Variants in ICA1 observed in about 807,000 individuals in gnomAD.
The protein encoded by ICA1 is islet cell autoantigen 1, also known as 69 kDa islet cell autoantigen.
Under a neutral mutation model 71.0 loss-of-function variants are expected in ICA1, and 40 were observed. That is an observed-to-expected ratio of 0.56 (90% CI 0.44 to 0.73). ICA1 has a LOEUF of 0.73. Among genes scored for constraint, ICA1 ranks in the 30% least tolerant of loss-of-function variants. The pLI is 0.00. For synonymous variants in ICA1, 207 were observed against 209.5 expected (o/e 0.99, Z 0.10); for missense variants, 578 against 576.5 (o/e 1.00, Z -0.03).
chr7:8,176,384 A>C (rs1242486852), intron 6 of ICA1, among the ~76,000 whole-genome samples: 2 of 152,296 alleles, frequency 1.3e-5, no homozygotes, highest in African/African-American at 4.8e-5. Context: ...CTTTTCCTGT[A>C]ATGCCCCTCA....
intron 6 of ICA1, among the ~76,000 whole-genome samples, chr7:8,201,379 A>G (rs1789618803): frequency 6.6e-6 from 1 of 152,184 alleles, no homozygotes; most frequent in African/African-American, 2.4e-5. Flanking sequence ...GATGGGGTTA[A>G]TGACAAGAGA....
chr7:8,190,188 G>A (rs1005694676), intron 6 of ICA1, among the ~76,000 whole-genome samples: 1 of 151,750 alleles, frequency 6.6e-6, no homozygotes, highest in African/African-American at 2.4e-5. Context: ...TTAAGGCTAA[G>A]AAAGTAAATT....
At chr7:8,146,752 T>C (rs1269487684) in intron 8 of ICA1, among the ~76,000 whole-genome samples, 2 of 150,414 alleles carry the variant, frequency 1.3e-5, no homozygotes, top group African/African-American at 4.9e-5. Flanking sequence ...CGTGTGTGTG[T>C]GTGTGTGTGT....
At chr7:8,167,393 T>C (rs1347928935) in intron 6 of ICA1, among the ~76,000 whole-genome samples, 3 of 152,194 alleles carry the variant, frequency 2.0e-5, no homozygotes, top group Non-Finnish European at 4.4e-5. Flanking sequence ...AAATACTGCA[T>C]GTTCTCACCT....
intron 8 of ICA1, among the ~76,000 whole-genome samples, chr7:8,153,669 AC>A (rs1800453597): frequency 1.3e-5 from 2 of 151,728 alleles, no homozygotes; most frequent in Non-Finnish European, 2.9e-5. Flanking sequence ...AATGCCATAA[AC>A]TCTTAGTCTA....
chr7:8,147,687 AACACACACACACACACACAC>A (rs71014764), intron 8 of ICA1, among the ~76,000 whole-genome samples: 14 of 145,412 alleles, frequency 9.6e-5, no homozygotes, highest in African/African-American at 2.6e-4. Flanking sequence ...AGCCAAGGGG[AACACACACACACACACACAC>A]ACACACACAC....
intron 9 of ICA1, among the ~76,000 whole-genome samples, chr7:8,142,848 C>T (rs1795678630): frequency 6.6e-6 from 1 of 152,220 alleles, no homozygotes; most frequent in Non-Finnish European, 1.5e-5. Flanking sequence ...GCCAGTTTTA[C>T]TAGATTCAGA....
intron 6 of ICA1, among the ~76,000 whole-genome samples, chr7:8,188,946 T>G (rs1400328319): frequency 6.6e-6 from 1 of 152,188 alleles, no homozygotes; most frequent in African/African-American, 2.4e-5. Context: ...GGATGGTAGA[T>G]GCAGAAGCTA....
At chr7:8,177,107 GCTT>G (rs912568864) in intron 6 of ICA1, among the ~76,000 whole-genome samples, 5 of 151,938 alleles carry the variant, frequency 3.3e-5, no homozygotes, top group African/African-American at 7.3e-5. Flanking sequence ...TTGATTTTTG[GCTT>G]CTTATTTTAA....
At chr7:8,165,721 A>G (rs1380553339) in intron 6 of ICA1, among the ~76,000 whole-genome samples, 2 of 152,198 alleles carry the variant, frequency 1.3e-5, no homozygotes, top group African/African-American at 4.8e-5. Flanking sequence ...ATTTATATAC[A>G]CCAACAACAA....
chr7:8,120,043 T>C (rs578248861), intron 13 of ICA1, among the ~76,000 whole-genome samples: 1 of 152,210 alleles, frequency 6.6e-6, no homozygotes, highest in East Asian at 1.9e-4. Flanking sequence ...AACCCATGGA[T>C]TTGGAGGCTT....
At chr7:8,196,833 TC>T (rs771555976) in intron 6 of ICA1, among the ~76,000 whole-genome samples, 12 of 152,200 alleles carry the variant, frequency 7.9e-5, no homozygotes, top group Non-Finnish European at 1.8e-4. Context: ...TCACGGCAGT[TC>T]CCCCATACTT....
At chr7:8,202,423 G>A (rs1002575947) in intron 6 of ICA1, among the ~76,000 whole-genome samples, 1 of 152,188 alleles carries the variant, frequency 6.6e-6, no homozygotes, top group South Asian at 2.1e-4. Flanking sequence ...GCTTAGAACT[G>A]TAGCTGATAC....
At chr7:8,217,660 C>T (rs906851803) in intron 6 of ICA1, among the ~76,000 whole-genome samples, 1 of 152,162 alleles carries the variant, frequency 6.6e-6, no homozygotes, top group Non-Finnish European at 1.5e-5. Context: ...TGTAAGACTG[C>T]CACCTAGTGG....
At position 8,232,603 on chromosome 7, in the gene ICA1, T is replaced by A; in HGVS notation, c.170A>T (p.Asp57Val). 1 of 1,611,600 alleles carries A rather than the reference T, an allele frequency of 6.2e-7. No homozygotes were observed. The highest frequency in any genetic ancestry group is 2.2e-5 in the East Asian group (1 of 44,768). The change falls in exon 3 of 14, where the codon GAT becomes GTT. Residue 57 changes from aspartate (D) to valine (V), a missense_variant. Transcript: ENST00000402384. Reference sequence around the variant, plus strand: ...TAAAGAGCTCACCTCTAGCTTGGCATCCAGGTCCGCGTCAGAGGCAACAAC... The same window carrying A: ...TAAAGAGCTCACCTCTAGCTTGGCAACCAGGTCCGCGTCAGAGGCAACAAC... ...EHVVASDADL[D>V]AKLELFHSIQ...
intron 6 of ICA1, among the ~76,000 whole-genome samples, chr7:8,194,783 C>T (rs1447459296): frequency 6.6e-6 from 1 of 151,970 alleles, no homozygotes; most frequent in African/African-American, 2.4e-5. Context: ...AATTTTTTGA[C>T]ACACAGGGAA....
Position 8,221,374 on chromosome 7 carries a change from A to G in ICA1, c.281T>C (p.Leu94Pro), listed in dbSNP as rs1407346506. The change falls in exon 5 of 14, where the codon CTG becomes CCG. Residue 94 changes from leucine (L) to proline (P), a missense_variant. Coordinates refer to ENST00000402384, the MANE Select transcript of ICA1 (RefSeq NM_001136020.3). ...ACCTTGGGATCGAAGAAATTTTCCC[A>G]GTTCGTTTTCTTCTTGAGACAAGAC... is the stretch of plus-strand genomic sequence containing the variant. ...ICFLSQEENE[L>P]GKFLRSQGFQ... The G allele has an allele frequency of 6.2e-7, 1 of 1,613,606 alleles. No homozygotes were observed. The highest frequency in any genetic ancestry group is 8.5e-7 in the Non-Finnish European group (1 of 1,179,586).
intron 6 of ICA1, among the ~76,000 whole-genome samples, chr7:8,186,088 G>C (rs1387949819): frequency 6.6e-6 from 1 of 152,152 alleles, no homozygotes; most frequent in Non-Finnish European, 1.5e-5. Flanking sequence ...AGTGGAGGAA[G>C]TAACATTTGA....
chr7:8,254,769 T>C (rs1010576452), intron 1 of ICA1, among the ~76,000 whole-genome samples: 12 of 152,052 alleles, frequency 7.9e-5, no homozygotes, highest in Middle Eastern at 3.4e-3. Flanking sequence ...GGGGAGTGGC[T>C]TAGCACAAAC....
Sources: gnomAD v4.1 joint callset for allele counts (sites outside exome capture counted in the v4.1 genomes callset) on GRCh38, gnomAD v4.1.1 for gene constraint, MANE v1.5 for transcripts, NCBI Gene and HGNC (gene_info 2026-07-23, HGNC 2026-07-21) for gene names.